Variants in PHAX observed in about 807,000 individuals in gnomAD.
PHAX encodes phosphorylated adapter RNA export protein.
PHAX carries 31 observed loss-of-function variants against 41.6 expected under a neutral mutation model. The ratio of observed to expected loss-of-function variants is 0.75; its 90% confidence interval spans 0.56 to 1.01. PHAX has a LOEUF of 1.01. Among genes scored for constraint, PHAX ranks in the 50% least tolerant of loss-of-function variants. The pLI, the probability that PHAX is intolerant of heterozygous loss-of-function variation, is 0.00. For synonymous variants in PHAX, 175 were observed against 164.9 expected, an observed-to-expected ratio of 1.06 and a Z score of -0.47; for missense variants, 453 against 472.9, an observed-to-expected ratio of 0.96 and a Z score of 0.39.
At chr5:126,605,137 A>G (rs953818167) in intron 2 of PHAX, among the ~76,000 whole-genome samples, 1 of 151,400 alleles carries the variant, frequency 6.6e-6, no homozygotes, top group South Asian at 2.1e-4. Context: ...TGCTGGGATT[A>G]TATGCATCAA....
chr5:126,611,101 G>T (rs568633633), intron 3 of PHAX, among the ~76,000 whole-genome samples: 1 of 148,346 alleles, frequency 6.7e-6, no homozygotes, highest in African/African-American at 2.5e-5. Flanking sequence ...TGTTGCCCAG[G>T]CTGGAGTCCA....
chr5:126,610,739 C>T (rs1320244108), intron 3 of PHAX, among the ~76,000 whole-genome samples: 1 of 152,200 alleles, frequency 6.6e-6, no homozygotes. Flanking sequence ...CACAGTCTGG[C>T]TCTCTTGCCC....
chr5:126,617,294 C>G lies in PHAX; in HGVS notation c.876C>G (p.Leu292=). The G allele has an allele frequency of 1.2e-6, 2 of 1,611,574 alleles. No homozygotes were observed. Among genetic ancestry groups the G allele is most frequent in the South Asian group, 2.2e-5 (2 of 90,858 alleles). The change falls in exon 4 of 5, where the codon CTC becomes CTG. Residue 292 remains leucine (L), a synonymous_variant. Coordinates refer to ENST00000297540, the MANE Select transcript of PHAX (RefSeq NM_032177.4). The stretch of plus-strand genomic sequence containing the variant: ...CACCAGGTGGAGTTTTTCTGAATCT[C>G]TTGAAAAACACTCCTAGTATCAGCG... ...RRTPGGVFLN[L]LKNTPSISEE... is the part of the protein sequence containing the mutation.
At chr5:126,614,584 G>A (rs1052474183) in intron 3 of PHAX, among the ~76,000 whole-genome samples, 1 of 152,044 alleles carries the variant, frequency 6.6e-6, no homozygotes, top group Non-Finnish European at 1.5e-5. Context: ...TTGGAGATCT[G>A]TTTTATAACC....
At chr5:126,608,205 T>C (rs1752019630) in intron 2 of PHAX, among the ~76,000 whole-genome samples, 159 bp from the exon 3 acceptor site, 1 of 152,162 alleles carries the variant, frequency 6.6e-6, no homozygotes, top group Admixed American at 6.6e-5. Context: ...GACCCAAGAT[T>C]AGGAATATTT....
intron 3 of PHAX, 121 bp from the exon 4 acceptor site, chr5:126,617,129 T>A: frequency 2.0e-6 from 1 of 496,450 alleles, no homozygotes; most frequent in Non-Finnish European, 3.6e-6. Context: ...AGAGTCAGAA[T>A]CAGGACTGGA....
intron 2 of PHAX, among the ~76,000 whole-genome samples, chr5:126,605,643 C>T (rs1004004416): frequency 1.3e-5 from 2 of 152,132 alleles, no homozygotes; most frequent in African/African-American, 4.8e-5. Flanking sequence ...AGTGATTTGC[C>T]TGCCTTGGCC....
intron 2 of PHAX, among the ~76,000 whole-genome samples, chr5:126,607,420 C>T (rs567465787): frequency 1.3e-4 from 12 of 94,770 alleles, no homozygotes; most frequent in Admixed American, 4.6e-4. Flanking sequence ...TTTTTTGAGA[C>T]GGAGTTTCAC....
At chr5:126,608,563 T>G in intron 3 of PHAX, 79 bp downstream of exon 3, 2 of 1,100,738 alleles carry the variant, frequency 1.8e-6, no homozygotes, top group Non-Finnish European at 2.7e-6. Context: ...AACTTTGCCC[T>G]TGTTGGATCT....
intron 2 of PHAX, among the ~76,000 whole-genome samples, chr5:126,604,854 T>G (rs538319760): frequency 6.6e-6 from 1 of 151,956 alleles, no homozygotes; most frequent in African/African-American, 2.4e-5. Flanking sequence ...GCCGACACAG[T>G]GAAACCCCAT....
intron 1 of PHAX, 105 bp downstream of exon 1, chr5:126,601,163 GGGCCAGAGCGAGGAGCCCA>G: frequency 1.3e-6 from 1 of 778,856 alleles, no homozygotes; most frequent in South Asian, 1.6e-5. Context: ...CTAGGAGCCC[GGGCCAGAGCGAGGAGCCCA>G]GGCTGTCGGG....
intron 1 of PHAX, among the ~76,000 whole-genome samples, chr5:126,602,356 C>T (rs1389152698): frequency 6.6e-6 from 1 of 152,256 alleles, no homozygotes; most frequent in Non-Finnish European, 1.5e-5. Flanking sequence ...CTGGGGCCAC[C>T]GATGTGTGAC....
At chr5:126,605,091 G>C (rs2112829395) in intron 2 of PHAX, among the ~76,000 whole-genome samples, 1 of 151,378 alleles carries the variant, frequency 6.6e-6, no homozygotes, top group South Asian at 2.1e-4. Flanking sequence ...TCAAACTCCT[G>C]GGAACAAGCA....
intron 3 of PHAX, among the ~76,000 whole-genome samples, chr5:126,615,788 T>A (rs1276629594): frequency 6.6e-6 from 1 of 152,164 alleles, no homozygotes; most frequent in African/African-American, 2.4e-5. Context: ...GTGTTGTCTA[T>A]CAGAGGCTTT....
At chr5:126,615,719 C>T (rs1752174666) in intron 3 of PHAX, among the ~76,000 whole-genome samples, 1 of 152,030 alleles carries the variant, frequency 6.6e-6, no homozygotes, top group Non-Finnish European at 1.5e-5. Context: ...AATATGTTTT[C>T]AATAAGGTGT....
intron 4 of PHAX, among the ~76,000 whole-genome samples, chr5:126,621,911 T>G (rs537364208): frequency 2.0e-5 from 3 of 152,188 alleles, no homozygotes; most frequent in Non-Finnish European, 4.4e-5. Context: ...TCCCACTTTG[T>G]TCTATTAAAT....
intron 2 of PHAX, among the ~76,000 whole-genome samples, chr5:126,607,432 C>A (rs1752008540): frequency 8.3e-6 from 1 of 120,560 alleles, no homozygotes; most frequent in South Asian, 2.8e-4. Context: ...GAGTTTCACT[C>A]TCGTTGCCCA....
chr5:126,620,169 T>TA (rs1283546499), intron 4 of PHAX, among the ~76,000 whole-genome samples: 1 of 152,220 alleles, frequency 6.6e-6, no homozygotes, highest in East Asian at 1.9e-4. Context: ...ACTGTAAATC[T>TA]AAAATCTCTA....
intron 2 of PHAX, among the ~76,000 whole-genome samples, chr5:126,605,568 T>TC (rs1478298571): frequency 6.6e-6 from 1 of 151,842 alleles, no homozygotes; most frequent in Admixed American, 6.6e-5. Flanking sequence ...TTTTTTTTTT[T>TC]TGTATTTTTA....
Sources: gnomAD v4.1 joint callset for allele counts (sites outside exome capture counted in the v4.1 genomes callset) on GRCh38, gnomAD v4.1.1 for gene constraint, MANE v1.5 for transcripts, NCBI Gene and HGNC (gene_info 2026-07-23, HGNC 2026-07-21) for gene names.